The following TXNDC15 variants were observed in gnomAD, a reference collection of about 807,000 sequenced individuals.
TXNDC15 encodes thioredoxin domain-containing protein 15.
A neutral mutation model predicts 35.0 loss-of-function variants in TXNDC15; 24 were observed. The observed-to-expected ratio is 0.68, with a 90% CI of 0.50 to 0.96. The LOEUF (loss-of-function observed/expected upper bound fraction) is 0.96, where lower values mean the gene tolerates loss of function less well. TXNDC15 is among the 40% of genes least tolerant of loss of function. The pLI, the probability that TXNDC15 is intolerant of heterozygous loss-of-function variation, is 0.00. For synonymous variants in TXNDC15, 169 were observed against 174.0 expected (o/e 0.97, Z 0.23); for missense variants, 385 against 453.3 (o/e 0.85, Z 1.37).
intron 2 of TXNDC15, among the ~76,000 whole-genome samples, chr5:134,891,873 C>T (rs2150188969): frequency 6.6e-6 from 1 of 152,146 alleles, no homozygotes; most frequent in South Asian, 2.1e-4. Context: ...CATGATTGCG[C>T]CACTGTACTC....
Position 134,900,953 on chromosome 5 carries a change from A to T in TXNDC15, c.*1268A>T, listed in dbSNP as rs1029607184. ...TGGGCCTGTGCCATCACACCCAGCT[A>T]ATTTTTCTATTTTTAGTAGAGATGG... On this transcript the variant is annotated 3_prime_UTR_variant, in exon 5 of 5. Coordinates refer to ENST00000358387, the MANE Select transcript of TXNDC15 (RefSeq NM_024715.4). 6.6e-6 allele frequency: 1 copy of T among 151,994 alleles called. No individual in the cohort carries two copies. Among genetic ancestry groups the T allele is most frequent in the African/African-American group, 2.4e-5 (1 of 41,388 alleles). The allele number at this position is 151,994 out of a possible 1,614,324, so 9.4% of individuals were successfully genotyped here.
chr5:134,877,035 T>C (rs1249767051), intron 1 of TXNDC15, among the ~76,000 whole-genome samples: 2 of 151,964 alleles, frequency 1.3e-5, no homozygotes, highest in African/African-American at 4.8e-5. Flanking sequence ...ACTAAGAAAA[T>C]TGCAAGACTG....
At chr5:134,885,913 A>G (rs1750266611) in intron 1 of TXNDC15, among the ~76,000 whole-genome samples, 1 of 152,242 alleles carries the variant, frequency 6.6e-6, no homozygotes, top group Non-Finnish European at 1.5e-5. Context: ...GGCCAGAAGC[A>G]GAATTCCCAG....
In TXNDC15 at chr5:134,885,174, G is replaced by A. The variant is rs372083229; in HGVS notation, c.104-2521G>A. On this transcript the variant is annotated intron_variant, in intron 1 of 4. Coordinates refer to ENST00000358387, the MANE Select transcript of TXNDC15 (RefSeq NM_024715.4). ...TGACCTCAGGTGATCCACCCACCTC[G>A]GCCTTCCAAATTGCTGGGATTACAG... Among the ~76,000 whole-genome samples the A allele has an allele frequency of 6.6e-5, 10 of 152,190 alleles. No individual in the cohort carries two copies. In the South Asian group the frequency reaches 1.9e-3, roughly 28 times the overall value.
intron 1 of TXNDC15, among the ~76,000 whole-genome samples, chr5:134,877,584 T>C (rs532434686): frequency 1.3e-5 from 2 of 151,942 alleles, no homozygotes; most frequent in African/African-American, 4.8e-5. Flanking sequence ...GTAGATGGAT[T>C]GTGAATGTGT....
intron 1 of TXNDC15, among the ~76,000 whole-genome samples, chr5:134,879,074 C>T (rs1002153156): frequency 6.6e-6 from 1 of 152,174 alleles, no homozygotes; most frequent in African/African-American, 2.4e-5. Context: ...TTTTTATTTT[C>T]GTGTGGAATA....
chr5:134,874,399 C>A lies in TXNDC15; in HGVS notation c.-29C>A, dbSNP rs369719793. The A allele has an allele frequency of 1.1e-5, 17 of 1,567,146 alleles. No individual in the cohort carries two copies. The highest frequency in any genetic ancestry group is 4.2e-5 in the African/African-American group (3 of 71,262). On this transcript the variant is annotated 5_prime_UTR_variant, in exon 1 of 5. Transcript: ENST00000358387. ...CGGCTGGCAGCACGACTCGCGTAGCCGTGCGCCGATTGCCTCTCGGCCTGG... is the reference window on the plus strand; with the variant it reads ...CGGCTGGCAGCACGACTCGCGTAGCAGTGCGCCGATTGCCTCTCGGCCTGG...
chr5:134,895,468 C>T (rs1750471179), intron 3 of TXNDC15, among the ~76,000 whole-genome samples: 1 of 152,176 alleles, frequency 6.6e-6, no homozygotes, highest in Admixed American at 6.5e-5. Flanking sequence ...CCCTCCCTAA[C>T]CTGCTTTCTT....
At chr5:134,893,783 G>C in intron 3 of TXNDC15, 128 bp downstream of exon 3, 1 of 1,236,758 alleles carries the variant, frequency 8.1e-7, no homozygotes. Flanking sequence ...TGGAAGGCAA[G>C]GCAAGAGTGA....
At position 134,884,474 on chromosome 5, in the gene TXNDC15, C is replaced by G. The variant is rs1750234951; in HGVS notation, c.104-3221C>G. On this transcript the variant is annotated intron_variant, in intron 1 of 4. Transcript: ENST00000358387. ...TGTTGGTCAGGCTGGTCTCGAACTC[C>G]CGACCTCAGGTGATCTACCCGCCTC... 3.3e-5 allele frequency among the ~76,000 whole-genome samples: 5 copies of G among 151,892 alleles called. No individual in the cohort carries two copies. In the South Asian group the frequency reaches 1.0e-3, roughly 32 times the overall value.
At chr5:134,895,133 A>T (rs996324426) in intron 3 of TXNDC15, among the ~76,000 whole-genome samples, 1 of 152,014 alleles carries the variant, frequency 6.6e-6, no homozygotes, top group African/African-American at 2.4e-5. Flanking sequence ...GTGAGCCGTG[A>T]TCCTGTCACT....
At chr5:134,894,369 C>CTTTTTT (rs556643965) in intron 3 of TXNDC15, among the ~76,000 whole-genome samples, 1 of 131,404 alleles carries the variant, frequency 7.6e-6, no homozygotes. Flanking sequence ...TTTTTTTTTT[C>CTTTTTT]TTTTTTTTTT....
intron 4 of TXNDC15, among the ~76,000 whole-genome samples, chr5:134,897,279 G>A (rs1412329421): frequency 4.0e-5 from 6 of 151,270 alleles, no homozygotes; most frequent in Non-Finnish European, 2.9e-5. Context: ...ACGGAGTCTC[G>A]CTCTGTCACC....
chr5:134,878,447 G>T (rs925626848), intron 1 of TXNDC15, among the ~76,000 whole-genome samples: 1 of 152,178 alleles, frequency 6.6e-6, no homozygotes, highest in Non-Finnish European at 1.5e-5. Context: ...GGAAAGTATG[G>T]ATTGCTGTCC....
intron 3 of TXNDC15, among the ~76,000 whole-genome samples, chr5:134,894,612 C>T (rs1292797986): frequency 2.0e-5 from 3 of 152,106 alleles, no homozygotes; most frequent in East Asian, 1.9e-4. Flanking sequence ...CTACCAGCCT[C>T]GGCCTCCCAA....
At chr5:134,897,982 C>G (rs1750528005) in intron 4 of TXNDC15, among the ~76,000 whole-genome samples, 1 of 151,212 alleles carries the variant, frequency 6.6e-6, no homozygotes, top group Non-Finnish European at 1.5e-5. Flanking sequence ...GCATTCCAGC[C>G]TGGTTGACAG....
At chr5:134,886,106 C>T (rs1750270473) in intron 1 of TXNDC15, among the ~76,000 whole-genome samples, 1 of 151,068 alleles carries the variant, frequency 6.6e-6, no homozygotes, top group African/African-American at 2.5e-5. Flanking sequence ...ATCCCAAATA[C>T]ATTGATCTGA....
At chr5:134,884,777 G>C (rs549127692) in intron 1 of TXNDC15, among the ~76,000 whole-genome samples, 19 of 152,256 alleles carry the variant, frequency 1.2e-4, no homozygotes, top group African/African-American at 4.6e-4. Context: ...ATGGGTGCAA[G>C]TTCTGGGTCA....
At chr5:134,874,965 C>T in intron 1 of TXNDC15, 1 of 365,136 alleles carries the variant, frequency 2.7e-6, no homozygotes, top group South Asian at 2.0e-5. Context: ...CAAACCCTGT[C>T]AGATCGGTTC....
Sources: gnomAD v4.1 joint callset for allele counts (sites outside exome capture counted in the v4.1 genomes callset) on GRCh38, gnomAD v4.1.1 for gene constraint, MANE v1.5 for transcripts, NCBI Gene and HGNC (gene_info 2026-07-23, HGNC 2026-07-21) for gene names.